Variants in ITPKB observed in about 807,000 individuals in gnomAD.
ITPKB encodes inositol-trisphosphate 3-kinase B, also known as IP3 3-kinase B.
ITPKB carries 13 observed loss-of-function variants against 69.4 expected under a neutral mutation model. The ratio of observed to expected loss-of-function variants is 0.19; its 90% CI spans 0.12 to 0.30. The LOEUF is 0.30. Ranked by LOEUF, ITPKB falls within the 10% of genes least tolerant of loss-of-function variation. The pLI is 1.00. For missense variants in ITPKB, 1,240 were observed against 1,250.5 expected, an observed-to-expected ratio of 0.99 and a Z score of 0.13; for synonymous variants, 584 against 513.7, an observed-to-expected ratio of 1.14 and a Z score of -1.85.
In ITPKB at chr1:226,737,005, C is replaced by T. The variant is rs1180314932; in HGVS notation, c.454G>A (p.Ala152Thr). 1 of 1,612,880 alleles carries T rather than the reference C, an allele frequency of 6.2e-7. No individual in the cohort carries two copies. Reference protein sequence around the residue: ...QVNQKVGMFEAHIQAQSSAIQ... With the variant: ...QVNQKVGMFETHIQAQSSAIQ... ...GCGGAGCTCTGTGCCTGGATGTGCG[C>T]CTCAAACATGCCCACTTTCTGGTTC... The change falls in exon 2 of 8, where the codon GCG becomes ACG. Residue 152 changes from alanine to threonine, a missense_variant. This residue lies in a region of ITPKB where 992 missense variants were observed against 853.8 expected (regional missense o/e 1.16). Transcript: ENST00000429204.
rs113367664 is a variant in ITPKB at position 226,696,453 on chromosome 1, C to T, written c.1932+39074G>A. Among the ~76,000 whole-genome samples the T allele has an allele frequency of 4.4e-3, 672 of 152,238 alleles. 1 individual carries two copies. The highest frequency in any genetic ancestry group is 0.015 in the African/African-American group (624 of 41,522). ...CGTAGATAGCAACTTATTTTACTAT[C>T]TTGGACACCGGCTTCCACTTCCGAC... On this transcript the variant is annotated intron_variant, in intron 2 of 7. Transcript: ENST00000429204.
rs1656685958 is a variant in ITPKB at position 226,702,258 on chromosome 1, G to A, written c.1932+33269C>T. Among the ~76,000 whole-genome samples, 4 of 152,108 alleles carry A rather than the reference G, an allele frequency of 2.6e-5. No homozygotes were observed. The South Asian group carries it at 8.3e-4, about 32-fold the overall frequency. On this transcript the variant is annotated intron_variant, in intron 2 of 7. Coordinates refer to ENST00000429204, the MANE Select transcript of ITPKB (RefSeq NM_002221.4). ...TAAAAAATACAAAAATTAGCCGGGT[G>A]TGGTGGTGGGCGCCTATAATCCCAG...
intron 2 of ITPKB, among the ~76,000 whole-genome samples, chr1:226,725,354 C>T (rs1025991052): frequency 1.3e-5 from 2 of 152,038 alleles, no homozygotes; most frequent in South Asian, 2.1e-4. Flanking sequence ...GGCAGCCACC[C>T]GAAGGGAAAT....
In ITPKB at chr1:226,642,325, CT is replaced by C. The variant is rs904999163; in HGVS notation, c.2247-201del. On this transcript the variant is annotated intron_variant, in intron 4 of 7. Coordinates refer to ENST00000429204, the MANE Select transcript of ITPKB (RefSeq NM_002221.4). The surrounding 1 kb of genome is among the most constrained non-coding windows in gnomAD (Gnocchi z 6.4). ...TGGGGCTGGCTCTAATTTTTCTTTTCTTTTTTTTTTAGACAATTTTTTTAGT... is the reference window on the plus strand; with the variant it reads ...TGGGGCTGGCTCTAATTTTTCTTTTCTTTTTTTTTAGACAATTTTTTTAGT... 1.0e-4 allele frequency among the ~76,000 whole-genome samples: 15 copies of C among 149,018 alleles called. No homozygotes were observed. The highest frequency in any genetic ancestry group is 2.0e-4 in the East Asian group (1 of 5,106).
At chr1:226,670,321 T>A (rs894054687) in intron 2 of ITPKB, among the ~76,000 whole-genome samples, 1 of 152,028 alleles carries the variant, frequency 6.6e-6, no homozygotes. Context: ...CCCAGGAATA[T>A]TCTGCAAGGG....
intron 2 of ITPKB, among the ~76,000 whole-genome samples, chr1:226,707,027 G>T (rs1207582242): frequency 1.3e-5 from 2 of 152,102 alleles, no homozygotes; most frequent in East Asian, 3.8e-4. Context: ...CACTAAGGGT[G>T]GTTGCATAAG....
At position 226,713,237 on chromosome 1, in the gene ITPKB, CT is replaced by C. The variant is rs573558195; in HGVS notation, c.1932+22289del. On this transcript the variant is annotated intron_variant, in intron 2 of 7. Coordinates refer to ENST00000429204, the MANE Select transcript of ITPKB (RefSeq NM_002221.4). The stretch of plus-strand genomic sequence containing the variant: ...CCCGCCCCCGGTTCCCAGACGGCTA[CT>C]AATTCTGCCTTCCTTTGAGTTGCTG... 3.3e-5 allele frequency among the ~76,000 whole-genome samples: 5 copies of C among 152,300 alleles called. No individual in the cohort carries two copies. In the South Asian group the frequency reaches 1.0e-3, roughly 32 times the overall value.
At chr1:226,645,402 G>A (rs995725501) in intron 4 of ITPKB, among the ~76,000 whole-genome samples, 3 of 152,218 alleles carry the variant, frequency 2.0e-5, no homozygotes, top group Non-Finnish European at 4.4e-5. Flanking sequence ...GAAGTCAAGC[G>A]GCTGGGTGGG....
At chr1:226,717,097 A>G (rs754959567) in intron 2 of ITPKB, among the ~76,000 whole-genome samples, 3 of 152,110 alleles carry the variant, frequency 2.0e-5, no homozygotes, top group Non-Finnish European at 4.4e-5. Flanking sequence ...AGAAAAACAA[A>G]CATAAATACC....
At chr1:226,667,551 A>G (rs1481632732) in intron 2 of ITPKB, among the ~76,000 whole-genome samples, 1 of 152,178 alleles carries the variant, frequency 6.6e-6, no homozygotes, top group Non-Finnish European at 1.5e-5. Flanking sequence ...AGAGAGGCAA[A>G]CAAGAGGAGC....
intron 3 of ITPKB, 66 bp downstream of exon 3, chr1:226,648,606 G>T (rs1558302233): frequency 7.3e-6 from 7 of 955,946 alleles, no homozygotes; most frequent in Non-Finnish European, 1.2e-5. Context: ...CCAGAATGCA[G>T]CGTCCAGGGC....
chr1:226,658,798 A>C (rs1669346732), intron 2 of ITPKB, among the ~76,000 whole-genome samples: 1 of 152,030 alleles, frequency 6.6e-6, no homozygotes, highest in African/African-American at 2.4e-5. Context: ...GGGTTGGTGA[A>C]GTCCCTCCTT....
At chr1:226,661,538 T>C (rs146149133) in intron 2 of ITPKB, among the ~76,000 whole-genome samples, 87 of 152,308 alleles carry the variant, frequency 5.7e-4, no homozygotes, top group African/African-American at 1.9e-3. Flanking sequence ...GGTAACATTA[T>C]AGCCAGATAA....
At chr1:226,712,590 G>A (rs1656988563) in intron 2 of ITPKB, among the ~76,000 whole-genome samples, 2 of 152,152 alleles carry the variant, frequency 1.3e-5, no homozygotes, top group East Asian at 1.9e-4. Flanking sequence ...TGAAGGGAGC[G>A]CTCGGCTGGA....
rs547491203 is a variant in ITPKB at position 226,670,720 on chromosome 1, C to T, written c.1933-21949G>A. The stretch of plus-strand genomic sequence containing the variant: ...TTAACTTTATACTGGCTTTGATCAA[C>T]GATTTAACCCTTTGCTCTCATTTCT... On this transcript the variant is annotated intron_variant, in intron 2 of 7. Transcript: ENST00000429204. Among the ~76,000 whole-genome samples the T allele has an allele frequency of 2.6e-5, 4 of 152,306 alleles. No individual in the cohort carries two copies. In the South Asian group the frequency reaches 8.3e-4, roughly 32 times the overall value.
At chr1:226,725,972 A>G (rs753957713) in intron 2 of ITPKB, among the ~76,000 whole-genome samples, 1 of 152,214 alleles carries the variant, frequency 6.6e-6, no homozygotes, top group Non-Finnish European at 1.5e-5. Flanking sequence ...AATACTCTTC[A>G]TGAGTGAGTG....
intron 2 of ITPKB, among the ~76,000 whole-genome samples, chr1:226,728,041 C>T (rs1289464759): frequency 1.3e-5 from 2 of 152,166 alleles, no homozygotes; most frequent in Non-Finnish European, 2.9e-5. Flanking sequence ...CACCACCACC[C>T]CAGGTTACGT....
In ITPKB at chr1:226,737,483, C is replaced by T; in HGVS notation, c.-25G>A. ...TAGTACTGGGTCCCGCGCTGCCCGC[C>T]GCCGCGGCTCCCGCTCCTGCTCCGC... On this transcript the variant is annotated 5_prime_UTR_variant, in exon 2 of 8. Transcript: ENST00000429204. The T allele has an allele frequency of 1.3e-6, 2 of 1,533,138 alleles. No homozygotes were observed. Among genetic ancestry groups the T allele is most frequent in the South Asian group, 1.2e-5 (1 of 80,570 alleles). The allele number at this position is 1,533,138 out of a possible 1,614,324, so 95.0% of individuals were successfully genotyped here.
chr1:226,684,575 C>G (rs1656159025), intron 2 of ITPKB, among the ~76,000 whole-genome samples: 1 of 152,130 alleles, frequency 6.6e-6, no homozygotes, highest in African/African-American at 2.4e-5. Context: ...CTCTTAAAAG[C>G]CCTTCTTCTC....
Sources: gnomAD v4.1 joint callset for allele counts (sites outside exome capture counted in the v4.1 genomes callset) on GRCh38, gnomAD v4.1.1 for gene constraint, gnomAD v4.1.1 regional missense constraint, Gnocchi (gnomAD v3.1) non-coding constraint, MANE v1.5 for transcripts, NCBI Gene and HGNC (gene_info 2026-07-23, HGNC 2026-07-21) for gene names.